VPS50: variants seen among roughly 807,000 people sequenced by gnomAD.
VPS50 encodes the protein syndetin.
Under a neutral mutation model 139.7 loss-of-function variants are expected in VPS50, and 70 were observed. That is an observed-to-expected ratio of 0.50 (90% confidence interval 0.41 to 0.61). VPS50 has a LOEUF of 0.61. VPS50 is among the 20% of genes least tolerant of loss of function. The probability of loss-of-function intolerance (pLI) is 0.00; values close to 1 mark genes in which losing one functional copy is unlikely to be tolerated. For synonymous variants in VPS50, 365 were observed against 376.7 expected, an observed-to-expected ratio of 0.97 and a Z score of 0.36; for missense variants, 921 against 1,133.7, an observed-to-expected ratio of 0.81 and a Z score of 2.69.
chr7:93,334,073 A>G (rs1408746965), intron 21 of VPS50, 44 bp from the exon 22 acceptor site: 3 of 1,042,930 alleles, frequency 2.9e-6, no homozygotes, highest in Non-Finnish European at 4.4e-6. Flanking sequence ...TAACATTTGC[A>G]AGATGATCTT....
chr7:93,302,700 T>TA (rs573910858), intron 16 of VPS50, among the ~76,000 whole-genome samples: 1 of 152,082 alleles, frequency 6.6e-6, no homozygotes, highest in Non-Finnish European at 1.5e-5. Context: ...CTGTGGATTT[T>TA]AAAAAATCTA....
chr7:93,341,090 A>C (rs1359965866), intron 22 of VPS50, among the ~76,000 whole-genome samples: 1 of 152,212 alleles, frequency 6.6e-6, no homozygotes, highest in Admixed American at 6.5e-5. Context: ...AGGGGTAATC[A>C]TATTTCTCTC....
Position 93,259,623 on chromosome 7 carries a change from G to A in VPS50, c.650G>A (p.Ser217Asn). 1 of 1,552,498 alleles carries A rather than the reference G, an allele frequency of 6.4e-7. No individual in the cohort carries two copies. The highest frequency in any genetic ancestry group is 1.1e-5 in the South Asian group (1 of 89,666). The part of the protein sequence containing the change: ...QKAASTFKHY[S>N]CISELNSKLQ... ...GCTGCCAGCACTTTTAAACATTACA[G>A]TTGTATAAGGTAAGGTCATGTAAAT... The change falls in exon 9 of 28, where the codon AGT becomes AAT. Residue 217 changes from serine to asparagine, a missense_variant. This residue lies in a region of VPS50 where 744 missense variants were observed against 930.6 expected (regional missense o/e 0.80). Coordinates refer to ENST00000305866, the MANE Select transcript of VPS50 (RefSeq NM_017667.4).
intron 18 of VPS50, among the ~76,000 whole-genome samples, chr7:93,306,392 C>G (rs1451610086): frequency 1.3e-5 from 2 of 151,996 alleles, no homozygotes; most frequent in South Asian, 2.1e-4. Context: ...GTCACTGATT[C>G]ATTTTGTTCC....
intron 20 of VPS50, among the ~76,000 whole-genome samples, chr7:93,313,145 T>C (rs1238365157): frequency 2.6e-5 from 4 of 152,184 alleles, no homozygotes; most frequent in Admixed American, 1.3e-4. Context: ...CAAACTATGT[T>C]ATGACTCCTG....
intron 22 of VPS50, among the ~76,000 whole-genome samples, chr7:93,338,176 A>G (rs775576597): frequency 3.3e-5 from 5 of 152,164 alleles, no homozygotes; most frequent in Non-Finnish European, 5.9e-5. Context: ...AAAACGAGCT[A>G]TGTGATGAGG....
intron 15 of VPS50, 149 bp downstream of exon 15, chr7:93,296,985 CT>C (rs1268792093): frequency 2.1e-6 from 3 of 1,435,314 alleles, no homozygotes; most frequent in Non-Finnish European, 2.7e-6. Flanking sequence ...TATTTCTGCC[CT>C]TTGGGTGTTT....
chr7:93,250,855 AC>A (rs1428974636), intron 2 of VPS50, among the ~76,000 whole-genome samples: 1 of 152,190 alleles, frequency 6.6e-6, no homozygotes, highest in Non-Finnish European at 1.5e-5. Flanking sequence ...CAAGAAAAAA[AC>A]AACCCCATCA....
intron 1 of VPS50, among the ~76,000 whole-genome samples, chr7:93,236,937 CTTTTTTTTTTTTTTTTTT>C (rs71107889): frequency 9.7e-5 from 3 of 31,032 alleles, no homozygotes; most frequent in Non-Finnish European, 1.6e-4. Flanking sequence ...TCTTTTACTT[CTTTTTTTTTTTTTTTTTT>C]TTTTTTTTTT....
chr7:93,330,088 A>C (rs530583850), intron 21 of VPS50, among the ~76,000 whole-genome samples: 31 of 152,306 alleles, frequency 2.0e-4, no homozygotes, highest in Admixed American at 4.6e-4. Context: ...GGAGTTCATA[A>C]TATATGTAGA....
intron 9 of VPS50, among the ~76,000 whole-genome samples, chr7:93,266,367 A>G (rs147232911): frequency 1.3e-5 from 2 of 152,320 alleles, no homozygotes; most frequent in East Asian, 3.9e-4. Context: ...GACTTAAATC[A>G]TATGGTTCAT....
chr7:93,307,149 A>G (rs1304352154), intron 18 of VPS50, among the ~76,000 whole-genome samples: 1 of 151,802 alleles, frequency 6.6e-6, no homozygotes, highest in African/African-American at 2.4e-5. Flanking sequence ...CTGAACCATT[A>G]CTCCCAGAGC....
chr7:93,301,838 AC>A (rs1184026776), intron 16 of VPS50, among the ~76,000 whole-genome samples: 1 of 152,196 alleles, frequency 6.6e-6, no homozygotes, highest in Non-Finnish European at 1.5e-5. Flanking sequence ...AGGAACTGTC[AC>A]ACTTTTTTCC....
chr7:93,291,285 T>G (rs1318687363), intron 12 of VPS50, among the ~76,000 whole-genome samples: 1 of 152,146 alleles, frequency 6.6e-6, no homozygotes, highest in Admixed American at 6.6e-5. Context: ...TTTACACAAA[T>G]GAAATGACAG....
intron 23 of VPS50, among the ~76,000 whole-genome samples, chr7:93,346,235 G>C (rs1256481587): frequency 4.6e-5 from 7 of 152,156 alleles, no homozygotes; most frequent in Admixed American, 4.6e-4. Context: ...TTGCTTCAAA[G>C]AGAATAAAAT....
chr7:93,302,417 C>G (rs754121248), intron 16 of VPS50, among the ~76,000 whole-genome samples: 1 of 151,128 alleles, frequency 6.6e-6, no homozygotes, highest in African/African-American at 2.4e-5. Flanking sequence ...GTTCATGAAT[C>G]CTGTCTTCAG....
chr7:93,271,697 G>A lies in VPS50; in HGVS notation c.702+435G>A, dbSNP rs868455894. Among the ~76,000 whole-genome samples, 118 of 151,726 alleles carry A rather than the reference G, an allele frequency of 7.8e-4. 1 individual carries two copies. Among genetic ancestry groups the A allele is most frequent in the African/African-American group, 2.6e-3 (106 of 41,486 alleles). ...GATACTCACATAGTTCATCAAAAAC[G>A]TAGAAACTAAAAAGGAAGAGATATG... On this transcript the variant is annotated intron_variant, in intron 10 of 27. Transcript: ENST00000305866.
chr7:93,257,353 A>G, intron 5 of VPS50, 41 bp from the exon 6 acceptor site: 2 of 1,224,582 alleles, frequency 1.6e-6, no homozygotes, highest in Non-Finnish European at 2.4e-6. Context: ...AAAGAAAAAT[A>G]AAATACCTCC....
chr7:93,238,298 C>CT lies in VPS50; in HGVS notation c.34-1556dup, dbSNP rs201196412. Among the ~76,000 whole-genome samples, 324 of 143,540 alleles carry CT rather than the reference C, an allele frequency of 2.3e-3. 3 individuals carry two copies. The highest frequency in any genetic ancestry group is 7.1e-3 in the Middle Eastern group (2 of 280). 94.2% of individuals were successfully genotyped at this position (143,540 alleles called of 152,430 possible). On this transcript the variant is annotated intron_variant, in intron 1 of 27. Coordinates refer to ENST00000305866, the MANE Select transcript of VPS50 (RefSeq NM_017667.4). ...AAAGGCATATTAAACCTCCTTAGGC[C>CT]TTTTTTTTTTTTCCAGCGAGCATTC...
Sources: allele counts gnomAD v4.1 joint callset (sites outside exome capture counted in the v4.1 genomes callset), GRCh38; gene constraint gnomAD v4.1.1; regional missense constraint gnomAD v4.1.1; transcripts MANE v1.5; gene names NCBI Gene and HGNC (gene_info 2026-07-23, HGNC 2026-07-21).